The following YWHAG variants were observed in gnomAD, a reference collection of about 807,000 sequenced individuals.
YWHAG encodes the protein tyrosine 3-monooxygenase/tryptophan 5-monooxygenase activation protein gamma, also known as 14-3-3 protein gamma.
YWHAG carries 1 observed loss-of-function variant against 23.3 expected under a neutral mutation model. The observed-to-expected ratio is 0.04, with a 90% CI of 0.02 to 0.20. The LOEUF is 0.20. Ranked by LOEUF, YWHAG falls within the 10% of genes least tolerant of loss-of-function variation. The pLI, the probability that YWHAG is intolerant of heterozygous loss-of-function variation, is 1.00. For missense variants in YWHAG, 151 were observed against 338.6 expected (o/e 0.45, Z 4.35); for synonymous variants, 160 against 144.0 (o/e 1.11, Z -0.80).
chr7:76,342,585 G>A (rs1803714130), intron 1 of YWHAG, among the ~76,000 whole-genome samples: 1 of 152,210 alleles, frequency 6.6e-6, no homozygotes, highest in Admixed American at 6.5e-5. Flanking sequence ...GGCGAGACTG[G>A]TTCTCATATC....
chr7:76,341,102 T>C (rs1803686631), intron 1 of YWHAG, among the ~76,000 whole-genome samples: 1 of 152,206 alleles, frequency 6.6e-6, no homozygotes. Context: ...ATACAGAATC[T>C]TGTACAGGGG....
rs559874675 is a variant in YWHAG at position 76,353,034 on chromosome 7, C to T, written c.87+5688G>A. Among the ~76,000 whole-genome samples the T allele has an allele frequency of 1.1e-4, 16 of 152,316 alleles. No individual in the cohort carries two copies. In the South Asian group the frequency reaches 3.3e-3, roughly 32 times the overall value. ...AAAGTCTATTTCTGTAGGACACACA[C>T]TTAACAAGTGAAATGCTGGGAGCAA... On this transcript the variant is annotated intron_variant, in intron 1 of 1. Transcript: ENST00000307630.
intron 1 of YWHAG, among the ~76,000 whole-genome samples, chr7:76,346,648 A>G (rs1035601500): frequency 2.6e-5 from 4 of 151,778 alleles, no homozygotes; most frequent in African/African-American, 9.7e-5. Context: ...TGCCTCTCCA[A>G]CCTGCCCTTG....
rs758079234 is a variant in YWHAG, at chr7:76,329,575, C to A, written c.*2G>T. On this transcript the variant is annotated 3_prime_UTR_variant, in exon 2 of 2. Transcript: ENST00000307630. This position sits in a 1 kb window ranked among gnomAD's most constrained non-coding sequence, Gnocchi z 6.1. ...GCGTGCGCTGCCAGTTCCCCTGGGGCCTTAATTGTTGCCTTCGCCGCCATC... is the reference window on the plus strand; with the variant it reads ...GCGTGCGCTGCCAGTTCCCCTGGGGACTTAATTGTTGCCTTCGCCGCCATC... The A allele has an allele frequency of 2.6e-5, 38 of 1,473,538 alleles. No individual in the cohort carries two copies. Among genetic ancestry groups the A allele is most frequent in the Non-Finnish European group, 3.1e-5 (34 of 1,092,556 alleles). 91.3% of individuals were successfully genotyped at this position (1,473,538 alleles called of 1,614,324 possible).
At chr7:76,340,664 C>T (rs1188241824) in intron 1 of YWHAG, among the ~76,000 whole-genome samples, 3 of 152,166 alleles carry the variant, frequency 2.0e-5, no homozygotes, top group Non-Finnish European at 4.4e-5. Flanking sequence ...ACATGCTTTC[C>T]ACTATACCAG....
At chr7:76,342,925 T>A (rs192078786) in intron 1 of YWHAG, among the ~76,000 whole-genome samples, 65 of 151,992 alleles carry the variant, frequency 4.3e-4, no homozygotes, top group Admixed American at 8.5e-4. Flanking sequence ...TCACCTGAGG[T>A]CAGGAATTCG....
chr7:76,340,947 G>C (rs576080693), intron 1 of YWHAG, among the ~76,000 whole-genome samples: 1 of 152,266 alleles, frequency 6.6e-6, no homozygotes, highest in East Asian at 1.9e-4. Context: ...TATGATCAGG[G>C]CCCACTGCAG....
intron 1 of YWHAG, among the ~76,000 whole-genome samples, chr7:76,353,023 T>C (rs1304782236): frequency 6.6e-6 from 1 of 152,182 alleles, no homozygotes; most frequent in Non-Finnish European, 1.5e-5. Flanking sequence ...TCTATTTCTG[T>C]AGGACACACA....
rs1233825210 is a variant in YWHAG at position 76,342,567 on chromosome 7, T to C, written c.88-12334A>G. 3.3e-5 allele frequency among the ~76,000 whole-genome samples: 5 copies of C among 152,332 alleles called. No homozygotes were observed. In the East Asian group the frequency reaches 5.8e-4, roughly 18 times the overall value. On this transcript the variant is annotated intron_variant, in intron 1 of 1. Coordinates refer to ENST00000307630, the MANE Select transcript of YWHAG (RefSeq NM_012479.4). ...CTCTCTTGGGGGCCAGAATGCATTT[T>C]TGAAACTGGCGAGACTGGTTCTCAT...
At chr7:76,344,866 T>A (rs1054368736) in intron 1 of YWHAG, among the ~76,000 whole-genome samples, 3 of 152,230 alleles carry the variant, frequency 2.0e-5, no homozygotes, top group Admixed American at 6.5e-5. Flanking sequence ...TACTCTTGAA[T>A]ACTGTCCTTT....
At chr7:76,335,473 C>T (rs923454358) in intron 1 of YWHAG, among the ~76,000 whole-genome samples, 9 of 152,216 alleles carry the variant, frequency 5.9e-5, no homozygotes, top group African/African-American at 2.2e-4. Flanking sequence ...ATCCCAGCTG[C>T]TAAGGAATCA....
At chr7:76,347,648 A>T (rs934770827) in intron 1 of YWHAG, among the ~76,000 whole-genome samples, 1 of 152,222 alleles carries the variant, frequency 6.6e-6, no homozygotes, top group South Asian at 2.1e-4. Context: ...ATACAATATA[A>T]ATAACTAGCA....
intron 1 of YWHAG, among the ~76,000 whole-genome samples, chr7:76,331,803 A>C (rs746472063): frequency 2.6e-4 from 39 of 152,156 alleles, no homozygotes; most frequent in Non-Finnish European, 5.0e-4. Context: ...CAGGAGTTCA[A>C]GACCAGCCTG....
At chr7:76,335,987 C>T (rs1425644160) in intron 1 of YWHAG, among the ~76,000 whole-genome samples, 1 of 152,132 alleles carries the variant, frequency 6.6e-6, no homozygotes, top group Non-Finnish European at 1.5e-5. Context: ...ATGAATGCAA[C>T]TTTGCATTTT....
In YWHAG at chr7:76,332,554, T is replaced by A. The variant is rs149497937; in HGVS notation, c.88-2321A>T. ...TGTTCTTTTTGAGACATGGTCTTAC[T>A]CTGTTTCCCAAGCTGAAGTGCAGAG... On this transcript the variant is annotated intron_variant, in intron 1 of 1. Transcript: ENST00000307630. Among the ~76,000 whole-genome samples, 71 of 152,274 alleles carry A rather than the reference T, an allele frequency of 4.7e-4. No homozygotes were observed. In the East Asian group the frequency reaches 0.014, roughly 29 times the overall value.
chr7:76,345,370 T>C (rs2115630451), intron 1 of YWHAG, among the ~76,000 whole-genome samples: 1 of 151,992 alleles, frequency 6.6e-6, no homozygotes, highest in South Asian at 2.1e-4. Flanking sequence ...TATTTTTTAG[T>C]AGAGACGGGG....
intron 1 of YWHAG, among the ~76,000 whole-genome samples, chr7:76,333,505 C>G (rs1803573868): frequency 6.6e-6 from 1 of 152,248 alleles, no homozygotes; most frequent in Non-Finnish European, 1.5e-5. Context: ...CAGGGGATGT[C>G]TACATTTCCT....
chr7:76,357,674 C>G (rs1052157313), intron 1 of YWHAG, among the ~76,000 whole-genome samples: 12 of 152,188 alleles, frequency 7.9e-5, no homozygotes, highest in African/African-American at 2.7e-4. Context: ...TCAGATGCAT[C>G]TAACAACCAA....
In YWHAG at chr7:76,326,906, A is replaced by G. The variant is rs1336198004; in HGVS notation, c.*2671T>C. ...CTAAAGATGGTCCGTGTGTGAAATAATTCCTTAGAGAAACACGGAGCTGGA... is the reference window on the plus strand; with the variant it reads ...CTAAAGATGGTCCGTGTGTGAAATAGTTCCTTAGAGAAACACGGAGCTGGA... On this transcript the variant is annotated 3_prime_UTR_variant, in exon 2 of 2. Coordinates refer to ENST00000307630, the MANE Select transcript of YWHAG (RefSeq NM_012479.4). 6.5e-6 allele frequency: 1 copy of G among 152,674 alleles called. No homozygotes were observed. Among genetic ancestry groups the G allele is most frequent in the South Asian group, 2.1e-4 (1 of 4,836 alleles). The allele number at this position is 152,674 out of a possible 1,614,324, so 9.5% of individuals were successfully genotyped here.
Sources: gnomAD v4.1 joint callset for allele counts (sites outside exome capture counted in the v4.1 genomes callset) on GRCh38, gnomAD v4.1.1 for gene constraint, Gnocchi (gnomAD v3.1) non-coding constraint, MANE v1.5 for transcripts, NCBI Gene and HGNC (gene_info 2026-07-23, HGNC 2026-07-21) for gene names.